Variants in PARVA observed in about 807,000 individuals in gnomAD.
PARVA encodes the protein alpha-parvin.
PARVA carries 25 observed loss-of-function variants against 52.6 expected under a neutral mutation model. The observed-to-expected ratio is 0.48, with a 90% CI of 0.35 to 0.66. The LOEUF is 0.66. PARVA is among the 30% of genes least tolerant of loss of function. The pLI is 0.01. For synonymous variants in PARVA, 185 were observed against 179.1 expected (o/e 1.03, Z -0.26); for missense variants, 373 against 450.9 (o/e 0.83, Z 1.56).
intron 1 of PARVA, among the ~76,000 whole-genome samples, chr11:12,406,993 A>G (rs1218988499): frequency 6.6e-6 from 1 of 152,140 alleles, no homozygotes; most frequent in Non-Finnish European, 1.5e-5. Context: ...TATTATAAAC[A>G]TTCTTATTGA....
At chr11:12,433,470 G>A (rs61877485) in intron 1 of PARVA, among the ~76,000 whole-genome samples, 11,373 of 152,190 alleles carry the variant, frequency 0.075, 897 homozygotes, top group East Asian at 0.24. Context: ...GAGTATTTCA[G>A]TTTGGGTTGT....
chr11:12,507,743 T>C (rs1460740495), intron 6 of PARVA, among the ~76,000 whole-genome samples: 1 of 152,160 alleles, frequency 6.6e-6, no homozygotes, highest in African/African-American at 2.4e-5. Context: ...TGAAAGGGAA[T>C]CTTACTAATA....
At chr11:12,376,928 C>T (rs115727196), upstream of PARVA, among the ~76,000 whole-genome samples, 771 of 152,302 alleles carry the variant, frequency 5.1e-3, 5 homozygotes, top group African/African-American at 0.018. Context: ...TCCACCACCA[C>T]GTGGGATCTT....
intron 12 of PARVA, 84 bp from the exon 13 acceptor site, chr11:12,527,765 T>G: frequency 3.0e-6 from 3 of 999,204 alleles, no homozygotes; most frequent in Non-Finnish European, 4.8e-6. Flanking sequence ...GATTGGGTGG[T>G]GGGTGGAAGG....
At chr11:12,429,422 G>A (rs1437754366) in intron 1 of PARVA, among the ~76,000 whole-genome samples, 1 of 152,176 alleles carries the variant, frequency 6.6e-6, no homozygotes, top group African/African-American at 2.4e-5. Flanking sequence ...TAAAAAGTGT[G>A]TGTACAAATG....
chr11:12,515,680 C>A lies in PARVA; in HGVS notation c.867+1615C>A, dbSNP rs1165426670. Among the ~76,000 whole-genome samples, 18 of 152,322 alleles carry A rather than the reference C, an allele frequency of 1.2e-4. No individual in the cohort carries two copies. In the East Asian group the frequency reaches 2.5e-3, roughly 21 times the overall value. Reference sequence around the variant, plus strand: ...GATTCTTTTACTCCTAACTCCTTCTCACCACAGCTTGAATGAAGCCCAGTT... The same window carrying A: ...GATTCTTTTACTCCTAACTCCTTCTAACCACAGCTTGAATGAAGCCCAGTT... On this transcript the variant is annotated intron_variant, in intron 10 of 12. Coordinates refer to ENST00000334956, the MANE Select transcript of PARVA (RefSeq NM_018222.5).
chr11:12,391,690 G>T (rs547940524), intron 1 of PARVA, among the ~76,000 whole-genome samples: 1 of 152,154 alleles, frequency 6.6e-6, no homozygotes, highest in African/African-American at 2.4e-5. Context: ...ATTAGCATGT[G>T]TGTGTCATGT....
chr11:12,506,281 T>G (rs1305618087), intron 6 of PARVA, among the ~76,000 whole-genome samples: 1 of 152,212 alleles, frequency 6.6e-6, no homozygotes, highest in Non-Finnish European at 1.5e-5. Context: ...TTTTCATAAG[T>G]AAACATACTG....
In PARVA at chr11:12,380,385, G is replaced by A. The variant is rs978800880; in HGVS notation, c.136+2602G>A. 6.0e-5 allele frequency among the ~76,000 whole-genome samples: 9 copies of A among 150,658 alleles called. 1 individual carries two copies. Among genetic ancestry groups the A allele is most frequent in the African/African-American group, 9.9e-5 (4 of 40,294 alleles). On this transcript the variant is annotated intron_variant, in intron 1 of 12. Coordinates refer to ENST00000334956, the MANE Select transcript of PARVA (RefSeq NM_018222.5). Reference sequence around the variant, plus strand: ...CCTATTACAAGCTGGGGTTATGGACGAGGGGCTGCTGGACTGGAACTATAG... The same window carrying A: ...CCTATTACAAGCTGGGGTTATGGACAAGGGGCTGCTGGACTGGAACTATAG...
chr11:12,495,655 AT>A (rs1417352526), intron 4 of PARVA, among the ~76,000 whole-genome samples: 2 of 103,024 alleles, frequency 1.9e-5, no homozygotes, highest in Non-Finnish European at 4.5e-5. Context: ...ATGTCATTGC[AT>A]AAAAAAAAAC....
intron 1 of PARVA, among the ~76,000 whole-genome samples, chr11:12,426,366 G>A (rs1940235289): frequency 6.6e-6 from 1 of 152,190 alleles, no homozygotes; most frequent in Non-Finnish European, 1.5e-5. Context: ...GCAACCAGGA[G>A]CCAGTGTGTG....
At position 12,528,087 on chromosome 11, in the gene PARVA, T is replaced by A; in HGVS notation, c.*162T>A. 1.5e-6 allele frequency: 1 copy of A among 657,000 alleles called. No homozygotes were observed. Among genetic ancestry groups the A allele is most frequent in the South Asian group, 1.8e-5 (1 of 57,008 alleles). 40.7% of individuals were successfully genotyped at this position (657,000 alleles called of 1,614,324 possible). On this transcript the variant is annotated 3_prime_UTR_variant, in exon 13 of 13. Transcript: ENST00000334956. ...GTGGAAACTGAAATTAGGAAGGAAA[T>A]CATCAATAACTCAGTGGGCTGACCC...
chr11:12,409,850 A>T (rs1353024972), intron 1 of PARVA, among the ~76,000 whole-genome samples: 1 of 152,256 alleles, frequency 6.6e-6, no homozygotes, highest in Non-Finnish European at 1.5e-5. Flanking sequence ...TGCACCAAAC[A>T]TTGTCAACTG....
At chr11:12,480,859 G>C (rs142587156) in intron 4 of PARVA, 60 of 149,618 alleles carry the variant, frequency 4.0e-4, no homozygotes, top group African/African-American at 1.4e-3. Flanking sequence ...GGAGGGATCA[G>C]TCTGGAAGCA....
At chr11:12,503,369 A>C in intron 5 of PARVA, among the ~76,000 whole-genome samples, 1 of 152,142 alleles carries the variant, frequency 6.6e-6, no homozygotes, top group East Asian at 1.9e-4. Context: ...TTCATGGTTA[A>C]GTGGGAAGGG....
At chr11:12,504,254 C>T in intron 5 of PARVA, 60 bp from the exon 6 acceptor site, 1 of 933,230 alleles carries the variant, frequency 1.1e-6, no homozygotes, top group Non-Finnish European at 1.7e-6. Flanking sequence ...TGAACATCTG[C>T]TTATATTGCC....
At position 12,533,477 on chromosome 11, in the gene PARVA, A is replaced by G. The variant is rs1941797418; in HGVS notation, c.*5552A>G. ...ATATAAAATCTACCAAAAGGGGGTC[A>G]CTTAATGTTTCACAATGTTTGGTGA... On this transcript the variant is annotated 3_prime_UTR_variant, in exon 13 of 13. Transcript: ENST00000334956. Among the ~76,000 whole-genome samples, 1 of 152,188 alleles carries G rather than the reference A, an allele frequency of 6.6e-6. No individual in the cohort carries two copies. The highest frequency in any genetic ancestry group is 6.5e-5 in the Admixed American group (1 of 15,276).
At chr11:12,514,668 G>T (rs1442226507) in intron 10 of PARVA, among the ~76,000 whole-genome samples, 1 of 152,246 alleles carries the variant, frequency 6.6e-6, no homozygotes, top group Middle Eastern at 3.4e-3. Context: ...TTTGTATTTA[G>T]TAGAGACGGG....
intron 1 of PARVA, among the ~76,000 whole-genome samples, chr11:12,418,215 G>GC (rs1940097094): frequency 6.6e-6 from 1 of 152,188 alleles, no homozygotes; most frequent in African/African-American, 2.4e-5. Flanking sequence ...TGGAGCCCAG[G>GC]CCGCCTACCT....
Sources: gnomAD v4.1 joint callset for allele counts (sites outside exome capture counted in the v4.1 genomes callset) on GRCh38, gnomAD v4.1.1 for gene constraint, MANE v1.5 for transcripts, NCBI Gene and HGNC (gene_info 2026-07-23, HGNC 2026-07-21) for gene names.